The following ATRNL1 variants were observed in gnomAD, a reference collection of about 807,000 sequenced individuals.
The protein encoded by ATRNL1 is attractin-like protein 1.
Under a neutral mutation model 182.7 loss-of-function variants are expected in ATRNL1, and 95 were observed. The ratio of observed to expected loss-of-function variants is 0.52; its 90% confidence interval spans 0.44 to 0.62. The LOEUF is 0.62. Ranked by LOEUF, ATRNL1 falls within the 20% of genes least tolerant of loss-of-function variation. ATRNL1 has a pLI of 0.00. For synonymous variants in ATRNL1, 576 were observed against 568.3 expected, an observed-to-expected ratio of 1.01 and a Z score of -0.19; for missense variants, 1,471 against 1,679.5, an observed-to-expected ratio of 0.88 and a Z score of 2.17.
intron 26 of ATRNL1, among the ~76,000 whole-genome samples, chr10:115,677,690 C>T (rs1459727057): frequency 6.6e-6 from 1 of 152,080 alleles, no homozygotes; most frequent in Non-Finnish European, 1.5e-5. Context: ...AATTAAACCT[C>T]TTTTTCTTTC....
At chr10:115,803,894 C>T (rs562411321) in intron 27 of ATRNL1, among the ~76,000 whole-genome samples, 10 of 152,148 alleles carry the variant, frequency 6.6e-5, no homozygotes, top group East Asian at 1.9e-4. Context: ...CTGGCCAATA[C>T]GCATAAAGAT....
In ATRNL1 at chr10:115,868,466, A is replaced by G. The variant is rs141811375; in HGVS notation, c.4018+20475A>G. ...CATCTGCCTCCTTAACTAAACTAAG[A>G]GCAGCATGGAGGCGAGGGCCATCTT... On this transcript the variant is annotated intron_variant, in intron 28 of 28. Coordinates refer to ENST00000355044, the MANE Select transcript of ATRNL1 (RefSeq NM_207303.4). 2.1e-3 allele frequency among the ~76,000 whole-genome samples: 322 copies of G among 152,282 alleles called. 14 individuals are homozygous for G. In the East Asian group the frequency reaches 0.058, roughly 28 times the overall value.
intron 26 of ATRNL1, among the ~76,000 whole-genome samples, chr10:115,692,607 ATTTTATAAAT>A (rs1368977947): frequency 2.0e-5 from 3 of 151,588 alleles, no homozygotes; most frequent in Non-Finnish European, 4.4e-5. Context: ...TCCTAAAATA[ATTTTATAAAT>A]TTTATAAATA....
At chr10:115,265,096 A>T in intron 10 of ATRNL1, 97 bp from the exon 11 acceptor site, 1 of 703,870 alleles carries the variant, frequency 1.4e-6, no homozygotes, top group South Asian at 2.1e-5. Flanking sequence ...CTGCTTATGC[A>T]TAGTGTATCT....
chr10:115,677,423 T>C (rs1945898801), intron 26 of ATRNL1, among the ~76,000 whole-genome samples: 1 of 151,934 alleles, frequency 6.6e-6, no homozygotes, highest in African/African-American at 2.4e-5. Flanking sequence ...CCCACCCAAA[T>C]CTCAACTTGA....
intron 26 of ATRNL1, among the ~76,000 whole-genome samples, chr10:115,685,321 T>A (rs2133959506): frequency 6.6e-6 from 1 of 151,934 alleles, no homozygotes; most frequent in East Asian, 1.9e-4. Context: ...ATGTACTACT[T>A]GTATGACTTA....
intron 22 of ATRNL1, among the ~76,000 whole-genome samples, chr10:115,462,388 C>A (rs1322839218): frequency 6.6e-6 from 1 of 152,036 alleles, no homozygotes; most frequent in Non-Finnish European, 1.5e-5. Context: ...CCAAGGCGGG[C>A]AGATCATGAT....
chr10:115,720,628 A>C (rs1555057491), intron 26 of ATRNL1, among the ~76,000 whole-genome samples: 2 of 152,226 alleles, frequency 1.3e-5, no homozygotes, highest in Non-Finnish European at 2.9e-5. Flanking sequence ...TGTAAGGCTG[A>C]TATCTTTAAG....
At chr10:115,296,076 G>C (rs1853170152) in intron 15 of ATRNL1, among the ~76,000 whole-genome samples, 1 of 152,152 alleles carries the variant, frequency 6.6e-6, no homozygotes, top group Non-Finnish European at 1.5e-5. Context: ...ACTGGGCTCA[G>C]AGCTTGTAAG....
intron 24 of ATRNL1, among the ~76,000 whole-genome samples, chr10:115,493,543 C>G (rs948219187): frequency 1.3e-5 from 2 of 152,036 alleles, no homozygotes; most frequent in Non-Finnish European, 2.9e-5. Context: ...TATTATGTGT[C>G]TTTTCTATTG....
At position 115,241,711 on chromosome 10, in the gene ATRNL1, T is replaced by A; in HGVS notation, c.1673T>A (p.Leu558Gln). 1 of 1,609,894 alleles carries A rather than the reference T, an allele frequency of 6.2e-7. No individual in the cohort carries two copies. Among genetic ancestry groups the A allele is most frequent in the Non-Finnish European group, 8.5e-7 (1 of 1,177,104 alleles). ...GCAAAATGTTTTTCTGCCGATTTCC[T>A]GGCATATGACATAGGTATGTATCTG... ...NGAKCFSADF[L>Q]AYDIACDEWK... The change falls in exon 10 of 29, where the codon CTG becomes CAG. Residue 558 changes from leucine to glutamine, a missense_variant. This residue lies in a region of ATRNL1 where 1,031 missense variants were observed against 1,156.0 expected (regional missense o/e 0.89). Coordinates refer to ENST00000355044, the MANE Select transcript of ATRNL1 (RefSeq NM_207303.4).
chr10:115,676,960 A>C (rs1945882341), intron 26 of ATRNL1, among the ~76,000 whole-genome samples: 1 of 152,142 alleles, frequency 6.6e-6, no homozygotes, highest in Non-Finnish European at 1.5e-5. Flanking sequence ...ACAAAAGACA[A>C]ATGCTTAAAT....
chr10:115,773,422 T>C (rs1235161279), intron 27 of ATRNL1, among the ~76,000 whole-genome samples: 2 of 152,102 alleles, frequency 1.3e-5, no homozygotes, highest in Non-Finnish European at 2.9e-5. Context: ...GAAAATACGG[T>C]GTTTAAAAAA....
chr10:115,843,362 A>G (rs763332988), intron 27 of ATRNL1, among the ~76,000 whole-genome samples: 30 of 152,112 alleles, frequency 2.0e-4, no homozygotes, highest in Non-Finnish European at 3.5e-4. Context: ...CCAGTGGGAA[A>G]TAGACATTTA....
rs577212413 is a variant in ATRNL1, at chr10:115,933,746, G to A, written c.4019-10912G>A. On this transcript the variant is annotated intron_variant, in intron 28 of 28. Transcript: ENST00000355044. ...GGGACTTTTGCTGCAAACAGAAACA[G>A]GATCCACAGGTTATAACTAGCTACT... Among the ~76,000 whole-genome samples the A allele has an allele frequency of 4.2e-4, 64 of 152,312 alleles. 1 individual carries two copies. Among genetic ancestry groups the A allele is most frequent in the African/African-American group, 1.5e-3 (63 of 41,584 alleles).
At chr10:115,132,157 A>G (rs928991720) in intron 5 of ATRNL1, among the ~76,000 whole-genome samples, 1 of 144,932 alleles carries the variant, frequency 6.9e-6, no homozygotes, top group Non-Finnish European at 1.5e-5. Context: ...TTCAATTCCC[A>G]CCTATAAGTG....
chr10:115,738,263 G>T (rs61880484), intron 27 of ATRNL1, among the ~76,000 whole-genome samples: 2 of 1,178 alleles, frequency 1.7e-3, no homozygotes, highest in Non-Finnish European at 0.071. Flanking sequence ...CTCAGCCCCA[G>T]TCTGTAGCTG....
chr10:115,291,936 T>G (rs1484853372), intron 15 of ATRNL1, among the ~76,000 whole-genome samples: 1 of 151,524 alleles, frequency 6.6e-6, no homozygotes, highest in Non-Finnish European at 1.5e-5. Context: ...AAGAATTGGT[T>G]TTAATTATTT....
intron 8 of ATRNL1, among the ~76,000 whole-genome samples, chr10:115,213,895 AAGT>A (rs1457632765): frequency 6.6e-6 from 1 of 152,138 alleles, no homozygotes; most frequent in East Asian, 1.9e-4. Flanking sequence ...ATGAGTAACA[AAGT>A]AGAGTTATTT....
Sources: allele counts gnomAD v4.1 joint callset (sites outside exome capture counted in the v4.1 genomes callset), GRCh38; gene constraint gnomAD v4.1.1; regional missense constraint gnomAD v4.1.1; transcripts MANE v1.5; gene names NCBI Gene and HGNC (gene_info 2026-07-23, HGNC 2026-07-21).